NRG3: variants seen among roughly 807,000 people sequenced by gnomAD.
NRG3 encodes the protein neuregulin 3.
NRG3 carries 31 observed loss-of-function variants against 66.9 expected under a neutral mutation model. The observed-to-expected ratio is 0.46, with a 90% CI of 0.35 to 0.63. The LOEUF is 0.63. Among genes scored for constraint, NRG3 ranks in the 20% least tolerant of loss-of-function variants. The pLI, the probability that NRG3 is intolerant of heterozygous loss-of-function variation, is 0.00. For missense variants in NRG3, 910 were observed against 878.9 expected (o/e 1.04, Z -0.45); for synonymous variants, 393 against 359.4 (o/e 1.09, Z -1.06).
intron 2 of NRG3, among the ~76,000 whole-genome samples, chr10:82,543,628 A>G (rs1006976545): frequency 6.6e-6 from 1 of 152,206 alleles, no homozygotes; most frequent in Non-Finnish European, 1.5e-5. Context: ...CTGTTCGTCC[A>G]GGGACTGTGA....
At chr10:82,630,884 A>T (rs550961367) in intron 2 of NRG3, among the ~76,000 whole-genome samples, 1 of 152,270 alleles carries the variant, frequency 6.6e-6, no homozygotes, top group East Asian at 1.9e-4. Flanking sequence ...TTTACTATTC[A>T]AAAGAGGTTT....
intron 4 of NRG3, among the ~76,000 whole-genome samples, chr10:82,901,740 T>A (rs948562150): frequency 6.6e-6 from 1 of 152,216 alleles, no homozygotes; most frequent in African/African-American, 2.4e-5. Context: ...TAAAATTATA[T>A]GTGAAAGTCG....
At chr10:82,604,141 C>A (rs1328348665) in intron 2 of NRG3, among the ~76,000 whole-genome samples, 1 of 152,030 alleles carries the variant, frequency 6.6e-6, no homozygotes, top group African/African-American at 2.4e-5. Context: ...GGCATGTGTC[C>A]AATCATACAG....
At chr10:82,604,809 C>A (rs1209574872) in intron 2 of NRG3, among the ~76,000 whole-genome samples, 1 of 151,980 alleles carries the variant, frequency 6.6e-6, no homozygotes, top group Non-Finnish European at 1.5e-5. Flanking sequence ...ATTTCTTTTT[C>A]TTTTTTAATT....
intron 2 of NRG3, among the ~76,000 whole-genome samples, chr10:82,637,137 T>C (rs1234030490): frequency 6.6e-6 from 1 of 152,196 alleles, no homozygotes; most frequent in Non-Finnish European, 1.5e-5. Flanking sequence ...ATACTGTATA[T>C]GTGTAGCTGA....
intron 1 of NRG3, among the ~76,000 whole-genome samples, chr10:82,212,245 T>C (rs1207673586): frequency 6.6e-6 from 1 of 152,186 alleles, no homozygotes; most frequent in African/African-American, 2.4e-5. Flanking sequence ...AAGAAGCACC[T>C]CGTTGTAGAT....
At chr10:82,050,442 G>T (rs1363309650) in intron 1 of NRG3, among the ~76,000 whole-genome samples, 6 of 151,960 alleles carry the variant, frequency 3.9e-5, no homozygotes, top group Non-Finnish European at 5.9e-5. Flanking sequence ...TGGCTGGCTG[G>T]CTGAATGGAT....
intron 1 of NRG3, among the ~76,000 whole-genome samples, chr10:82,350,269 C>G (rs2083346548): frequency 6.6e-6 from 1 of 152,182 alleles, no homozygotes; most frequent in East Asian, 1.9e-4. Flanking sequence ...TTGTGTATGC[C>G]TATGATGTTG....
At chr10:82,041,544 T>A (rs1034945787) in intron 1 of NRG3, among the ~76,000 whole-genome samples, 6 of 151,966 alleles carry the variant, frequency 3.9e-5, no homozygotes, top group Non-Finnish European at 7.4e-5. Flanking sequence ...TTGTGAAGAC[T>A]TTGTCTCATT....
intron 1 of NRG3, among the ~76,000 whole-genome samples, chr10:82,230,698 T>G (rs1351480824): frequency 1.3e-5 from 2 of 152,044 alleles, no homozygotes; most frequent in Non-Finnish European, 2.9e-5. Context: ...TAAGTAAAAA[T>G]ATTTCTGAGA....
intron 2 of NRG3, among the ~76,000 whole-genome samples, chr10:82,366,187 A>G (rs1589865843): frequency 1.3e-5 from 2 of 152,332 alleles, no homozygotes; most frequent in East Asian, 1.9e-4. Context: ...CAAAAGGCCA[A>G]TGAAAGAATT....
chr10:82,350,230 AG>A (rs1750524581), intron 1 of NRG3, among the ~76,000 whole-genome samples: 1 of 152,214 alleles, frequency 6.6e-6, no homozygotes, highest in Admixed American at 6.5e-5. Context: ...TGGAGCAAAA[AG>A]GTGCTGTTAC....
intron 1 of NRG3, among the ~76,000 whole-genome samples, chr10:81,940,620 A>G (rs536579416): frequency 1.4e-4 from 22 of 152,028 alleles, no homozygotes; most frequent in African/African-American, 3.9e-4. Flanking sequence ...CTTGGCCTAC[A>G]TGAGTTGTCT....
At chr10:82,007,687 A>G (rs954002332) in intron 1 of NRG3, among the ~76,000 whole-genome samples, 1 of 152,128 alleles carries the variant, frequency 6.6e-6, no homozygotes, top group Non-Finnish European at 1.5e-5. Context: ...TAATCCTTCT[A>G]CATTTTATTT....
intron 2 of NRG3, among the ~76,000 whole-genome samples, chr10:82,646,451 G>A (rs953244229): frequency 3.9e-5 from 6 of 152,144 alleles, no homozygotes; most frequent in Non-Finnish European, 5.9e-5. Context: ...CACCTGTCAC[G>A]TGTGGTTTGC....
At chr10:82,610,373 T>A (rs747998971) in intron 2 of NRG3, among the ~76,000 whole-genome samples, 11 of 152,132 alleles carry the variant, frequency 7.2e-5, no homozygotes, top group Non-Finnish European at 1.5e-4. Flanking sequence ...GGGGAACCAT[T>A]CTGCCTGTTA....
chr10:82,201,618 C>CT lies in NRG3; in HGVS notation c.824-157112dup, dbSNP rs200065613. ...CTTCAATTAGAACTGAAAAAGTTGT[C>CT]TTTTTTTTTAGCAGGAAACTGGTAA... is the stretch of plus-strand genomic sequence containing the variant. On this transcript the variant is annotated intron_variant, in intron 1 of 8. Coordinates refer to ENST00000372141, the MANE Select transcript of NRG3 (RefSeq NM_001010848.4). 2.3e-3 allele frequency among the ~76,000 whole-genome samples: 346 copies of CT among 150,800 alleles called. 1 individual carries two copies. Among genetic ancestry groups the CT allele is most frequent in the African/African-American group, 7.0e-3 (288 of 41,100 alleles).
rs143157133 is a variant in NRG3, at chr10:82,449,990, T to G, written c.953+91122T>G. ...AGAAGCTCTATAAAAGTGGTTTCTG[T>G]GGATTTTGTTTGTTTGTTTTTAAGC... is the stretch of plus-strand genomic sequence containing the variant. On this transcript the variant is annotated intron_variant, in intron 2 of 8. Transcript: ENST00000372141. Among the ~76,000 whole-genome samples the G allele has an allele frequency of 7.2e-5, 11 of 152,302 alleles. No homozygotes were observed. The East Asian group carries it at 1.9e-3, about 27-fold the overall frequency.
At chr10:82,238,013 T>C (rs1439839828) in intron 1 of NRG3, among the ~76,000 whole-genome samples, 1 of 152,180 alleles carries the variant, frequency 6.6e-6, no homozygotes, top group Non-Finnish European at 1.5e-5. Context: ...TCAGCAATCT[T>C]AGTGTTTCTC....
Sources: gnomAD v4.1 joint callset for allele counts (sites outside exome capture counted in the v4.1 genomes callset) on GRCh38, gnomAD v4.1.1 for gene constraint, MANE v1.5 for transcripts, NCBI Gene and HGNC (gene_info 2026-07-23, HGNC 2026-07-21) for gene names.